Variants in MRC1 observed in about 807,000 individuals in gnomAD.
MRC1 encodes mannose receptor C-type 1, also known as macrophage mannose receptor 1.
MRC1 carries 62 observed loss-of-function variants against 102.9 expected under a neutral mutation model. The observed-to-expected ratio is 0.60, with a 90% CI of 0.49 to 0.74. The LOEUF is 0.74. MRC1 is among the 30% of genes least tolerant of loss of function. The pLI, the probability that MRC1 is intolerant of heterozygous loss-of-function variation, is 0.00. For missense variants in MRC1, 1,237 were observed against 862.8 expected (o/e 1.43, Z -5.43); for synonymous variants, 457 against 298.4 (o/e 1.53, Z -5.48).
intron 9 of MRC1, among the ~76,000 whole-genome samples, chr10:17,856,900 G>A (rs1225245002): frequency 1.3e-5 from 2 of 152,102 alleles, no homozygotes; most frequent in East Asian, 1.9e-4. Flanking sequence ...TGGTACCCAC[G>A]GTAACTCAGT....
intron 4 of MRC1, among the ~76,000 whole-genome samples, chr10:17,836,901 G>T (rs938080113): frequency 3.3e-5 from 5 of 152,056 alleles, no homozygotes; most frequent in African/African-American, 1.2e-4. Flanking sequence ...GTGCAGAGGT[G>T]AAATGGTTTC....
At chr10:17,884,335 T>G (rs994888908) in intron 21 of MRC1, among the ~76,000 whole-genome samples, 1 of 152,208 alleles carries the variant, frequency 6.6e-6, no homozygotes, top group Non-Finnish European at 1.5e-5. Flanking sequence ...TATGGGCAAC[T>G]GATCTCAGGG....
At chr10:17,863,776 G>T in intron 11 of MRC1, 94 bp downstream of exon 11, 1 of 686,482 alleles carries the variant, frequency 1.5e-6, no homozygotes, top group South Asian at 1.7e-5. Context: ...AAATAGACTA[G>T]GTAAATTAGT....
chr10:17,884,023 G>C (rs954678934), intron 21 of MRC1, among the ~76,000 whole-genome samples: 41 of 152,320 alleles, frequency 2.7e-4, no homozygotes, highest in African/African-American at 9.9e-4. Flanking sequence ...CTCAAGTACA[G>C]TGGCACAACC....
At chr10:17,906,218 A>G (rs1346116242) in intron 26 of MRC1, among the ~76,000 whole-genome samples, 1 of 152,066 alleles carries the variant, frequency 6.6e-6, no homozygotes, top group Non-Finnish European at 1.5e-5. Flanking sequence ...AGCTGCCTGA[A>G]AAAAAAACTT....
At chr10:17,888,021 G>A (rs1465450920) in intron 22 of MRC1, among the ~76,000 whole-genome samples, 8 of 152,092 alleles carry the variant, frequency 5.3e-5, no homozygotes, top group Non-Finnish European at 7.4e-5. Flanking sequence ...GGCCAGACTG[G>A]TCTCGAACTC....
intron 1 of MRC1, among the ~76,000 whole-genome samples, chr10:17,818,925 G>T (rs1226654108): frequency 6.6e-6 from 1 of 152,204 alleles, no homozygotes; most frequent in Non-Finnish European, 1.5e-5. Context: ...GAGCTGAAAG[G>T]TGGTGTGGTT....
At chr10:17,869,617 T>C (rs1238538884) in intron 12 of MRC1, among the ~76,000 whole-genome samples, 1 of 152,198 alleles carries the variant, frequency 6.6e-6, no homozygotes, top group Non-Finnish European at 1.5e-5. Context: ...ACACAATTCC[T>C]AAATCATATA....
intron 5 of MRC1, 94 bp from the exon 6 acceptor site, chr10:17,845,195 A>G (rs1554840134): frequency 3.8e-6 from 3 of 780,248 alleles, no homozygotes; most frequent in Non-Finnish European, 7.2e-6. Context: ...GGTCCATTGA[A>G]TCCCCAGGAT....
intron 21 of MRC1, among the ~76,000 whole-genome samples, chr10:17,884,051 C>T (rs1833556217): frequency 1.3e-5 from 2 of 152,186 alleles, no homozygotes; most frequent in African/African-American, 2.4e-5. Flanking sequence ...TCTGCAGCCT[C>T]GACCTCCTGG....
At chr10:17,812,060 CA>C (rs1838231796) in intron 1 of MRC1, among the ~76,000 whole-genome samples, 1 of 152,136 alleles carries the variant, frequency 6.6e-6, no homozygotes, top group Non-Finnish European at 1.5e-5. Flanking sequence ...TACTTGCCAT[CA>C]GTTTATTTCT....
In MRC1 at chr10:17,866,748, G is replaced by A. The variant is rs558553788; in HGVS notation, c.1970G>A (p.Ser657Asn). Reference sequence around the variant, plus strand: ...GATTGGGGCGCCAGCAGTAGAACAAGCTTGTGTTTCAAGGTGAGTATCAGT... The same window carrying A: ...GATTGGGGCGCCAGCAGTAGAACAAACTTGTGTTTCAAGGTGAGTATCAGT... Reference protein sequence around the residue: ...PEDWGASSRTSLCFKLYAKGK... With the variant: ...PEDWGASSRTNLCFKLYAKGK... Residue 657 changes from serine (S) to asparagine (N), a missense_variant, in exon 12 of 30, where the codon AGC (serine) becomes AAC (asparagine). Physicochemically the swap from Ser to Asn is conservative, Grantham distance 46 (BLOSUM62 1). Transcript: ENST00000569591. The A allele has an allele frequency of 1.3e-6, 1 of 780,808 alleles. No homozygotes were observed. Among genetic ancestry groups the A allele is most frequent in the African/African-American group, 1.7e-5 (1 of 59,230 alleles). The allele number at this position is 780,808 out of a possible 1,614,324, so 48.4% of individuals were successfully genotyped here. A position where few individuals can be genotyped will look rare whatever the true frequency, so the allele number is the denominator to read the frequency against.
At chr10:17,874,370 T>A (rs1273192105) in intron 16 of MRC1, among the ~76,000 whole-genome samples, 2 of 152,156 alleles carry the variant, frequency 1.3e-5, no homozygotes, top group African/African-American at 4.8e-5. Flanking sequence ...TCACATTGCC[T>A]CCTTCTCTTG....
intron 28 of MRC1, 25 bp from the exon 29 acceptor site, chr10:17,909,281 T>TA: frequency 1.2e-6 from 1 of 848,600 alleles, no homozygotes; most frequent in Non-Finnish European, 2.1e-6. Context: ...TGGGTTTTTA[T>TA]AAATTTTTTT....
rs1036928109 is a variant in MRC1 at position 17,882,291 on chromosome 10, T to C, written c.2980+1110T>C. On this transcript the variant is annotated intron_variant, in intron 21 of 29. Transcript: ENST00000569591. Reference sequence around the variant, plus strand: ...AGAGGGTGTGGACTTTGAAGGATCATCCTGTGTCGCCTCAGATAGAAGACG... The same window carrying C: ...AGAGGGTGTGGACTTTGAAGGATCACCCTGTGTCGCCTCAGATAGAAGACG... 6.6e-5 allele frequency among the ~76,000 whole-genome samples: 10 copies of C among 152,212 alleles called. No individual in the cohort carries two copies. The East Asian group carries it at 1.9e-3, about 30-fold the overall frequency.
intron 22 of MRC1, among the ~76,000 whole-genome samples, chr10:17,887,614 T>C (rs370103263): frequency 0.04 from 6,077 of 152,240 alleles, 130 homozygotes; most frequent in Middle Eastern, 0.065. Context: ...ATTTTTGTTG[T>C]TTCTAGAACA....
intron 1 of MRC1, among the ~76,000 whole-genome samples, chr10:17,817,832 C>T (rs1358282474): frequency 6.6e-6 from 1 of 152,264 alleles, no homozygotes; most frequent in Admixed American, 6.5e-5. Context: ...GGTAAAAATG[C>T]CACAAGCTGC....
chr10:17,813,451 A>G (rs1284637796), intron 1 of MRC1, among the ~76,000 whole-genome samples: 1 of 152,128 alleles, frequency 6.6e-6, no homozygotes, highest in Non-Finnish European at 1.5e-5. Flanking sequence ...CTTTGATTCC[A>G]ATATAAATGT....
chr10:17,899,260 G>A, intron 24 of MRC1, among the ~76,000 whole-genome samples: 1 of 152,186 alleles, frequency 6.6e-6, no homozygotes, highest in East Asian at 1.9e-4. Flanking sequence ...GTTTCAGAAT[G>A]ATTTCTGTGA....
Sources: allele counts gnomAD v4.1 joint callset (sites outside exome capture counted in the v4.1 genomes callset), GRCh38; gene constraint gnomAD v4.1.1; transcripts MANE v1.5; gene names NCBI Gene and HGNC (gene_info 2026-07-23, HGNC 2026-07-21).